The following RCL1 variants were observed in gnomAD, a reference collection of about 807,000 sequenced individuals.
RCL1 encodes RNA 3'-terminal phosphate cyclase-like protein.
Under a neutral mutation model 42.4 loss-of-function variants are expected in RCL1, and 24 were observed. The ratio of observed to expected loss-of-function variants is 0.57; its 90% CI spans 0.41 to 0.80. The LOEUF is 0.80. RCL1 is among the 30% of genes least tolerant of loss of function. RCL1 has a pLI of 0.00. For missense variants in RCL1, 578 were observed against 467.9 expected (o/e 1.24, Z -2.17); for synonymous variants, 228 against 177.3 (o/e 1.29, Z -2.27).
chr9:4,810,592 C>T (rs1816141129), intron 1 of RCL1, among the ~76,000 whole-genome samples: 2 of 151,800 alleles, frequency 1.3e-5, no homozygotes, highest in Non-Finnish European at 2.9e-5. Context: ...TGGCTTGTTT[C>T]CACTTTTAAC....
chr9:4,834,335 A>G (rs1817050491), intron 5 of RCL1, 70 bp downstream of exon 5: 26 of 1,517,712 alleles, frequency 1.7e-5, no homozygotes, highest in Non-Finnish European at 2.1e-5. Context: ...AGAATGACTA[A>G]CAGCTTTACT....
At chr9:4,847,411 G>A (rs1374838522) in intron 7 of RCL1, among the ~76,000 whole-genome samples, 2 of 152,120 alleles carry the variant, frequency 1.3e-5, no homozygotes, top group African/African-American at 4.8e-5. Context: ...TATTTATCAA[G>A]TTTTAAGCCT....
At chr9:4,798,244 G>T (rs940667192) in intron 1 of RCL1, among the ~76,000 whole-genome samples, 2 of 152,216 alleles carry the variant, frequency 1.3e-5, no homozygotes, top group Non-Finnish European at 2.9e-5. Context: ...CATGAGGACT[G>T]TGTCCTGCAG....
chr9:4,799,061 T>G (rs1563825753), intron 1 of RCL1, among the ~76,000 whole-genome samples: 1 of 92,832 alleles, frequency 1.1e-5, no homozygotes, highest in Non-Finnish European at 2.0e-5. Flanking sequence ...CCCTCCCCCA[T>G]CCCTCTCCCC....
chr9:4,855,133 A>G (rs1817903197), intron 8 of RCL1, among the ~76,000 whole-genome samples: 1 of 151,792 alleles, frequency 6.6e-6, no homozygotes, highest in African/African-American at 2.4e-5. Context: ...GATGGACTAG[A>G]GGCTTTCGTA....
Position 4,852,022 on chromosome 9 carries a change from C to T in RCL1, c.971+2472C>T, listed in dbSNP as rs532397317. 3.9e-5 allele frequency among the ~76,000 whole-genome samples: 6 copies of T among 152,166 alleles called. No individual in the cohort carries two copies. In the South Asian group the frequency reaches 8.3e-4, roughly 21 times the overall value. ...TCAGCCTCCCGAGTAGCTGGGACTA[C>T]AGGCACCCGCCACCGTGCCTGGCTA... is the stretch of plus-strand genomic sequence containing the variant. On this transcript the variant is annotated intron_variant, in intron 8 of 8. Coordinates refer to ENST00000381750, the MANE Select transcript of RCL1 (RefSeq NM_005772.5).
intron 3 of RCL1, chr9:4,827,359 G>A (rs941657029): frequency 3.0e-6 from 3 of 989,836 alleles, no homozygotes; most frequent in African/African-American, 1.6e-5. Context: ...GTTTTTGTAA[G>A]ATCCTGTGGT....
At chr9:4,813,736 C>A (rs1314910045) in intron 1 of RCL1, among the ~76,000 whole-genome samples, 1 of 152,182 alleles carries the variant, frequency 6.6e-6, no homozygotes, top group Non-Finnish European at 1.5e-5. Flanking sequence ...GACACACGCA[C>A]ACGTATGTTT....
intron 3 of RCL1, 73 bp downstream of exon 3, chr9:4,827,106 G>T (rs757781475): frequency 1.2e-6 from 2 of 1,601,348 alleles, no homozygotes; most frequent in Non-Finnish European, 1.7e-6. Flanking sequence ...TGAGAAAAAA[G>T]TTCCTTATAA....
chr9:4,832,867 C>G (rs572805815), intron 3 of RCL1, among the ~76,000 whole-genome samples: 1 of 149,630 alleles, frequency 6.7e-6, no homozygotes, highest in Non-Finnish European at 1.5e-5. Flanking sequence ...ACAGTCCAGT[C>G]TCTCCATGCT....
At chr9:4,847,511 T>C (rs1047709286) in intron 7 of RCL1, among the ~76,000 whole-genome samples, 2 of 152,184 alleles carry the variant, frequency 1.3e-5, no homozygotes, top group Non-Finnish European at 2.9e-5. Context: ...GCCTTTTCTT[T>C]CCATCCTTTT....
chr9:4,839,788 C>T, intron 5 of RCL1: 1 of 970,852 alleles, frequency 1.0e-6, no homozygotes, highest in Non-Finnish European at 1.2e-6. Flanking sequence ...AGGTAAAGCC[C>T]TTGCCCTTAT....
At chr9:4,827,080 G>C (rs368274744) in intron 3 of RCL1, 47 bp downstream of exon 3, 16 of 1,612,890 alleles carry the variant, frequency 9.9e-6, no homozygotes, top group Non-Finnish European at 1.2e-5. Context: ...TTTGTCTCTT[G>C]TCACAACCCA....
In RCL1 at chr9:4,801,235, G is replaced by A. The variant is rs371769799; in HGVS notation, c.136+8008G>A. 1.6e-4 allele frequency among the ~76,000 whole-genome samples: 24 copies of A among 152,210 alleles called. No individual in the cohort carries two copies. The East Asian group carries it at 4.1e-3, about 26-fold the overall frequency. ...CATCCAGGCTTGAGTACAGTGACACGATCATGGCTCACTACTGCCTCAGCT... is the reference window on the plus strand; with the variant it reads ...CATCCAGGCTTGAGTACAGTGACACAATCATGGCTCACTACTGCCTCAGCT... On this transcript the variant is annotated intron_variant, in intron 1 of 8. Coordinates refer to ENST00000381750, the MANE Select transcript of RCL1 (RefSeq NM_005772.5).
At chr9:4,807,761 C>G (rs1248547977) in intron 1 of RCL1, among the ~76,000 whole-genome samples, 1 of 152,164 alleles carries the variant, frequency 6.6e-6, no homozygotes, top group Non-Finnish European at 1.5e-5. Flanking sequence ...TCAGGTGATC[C>G]GCCTGCCTGA....
rs1842858745 is a variant in RCL1 at position 4,793,233 on chromosome 9, T to C, written c.136+6T>C. ...CGACAACCCGGGCCTCCGAGGTAAC[T>C]TGGTGTGGGCGGCGCGCGGCGTGGG... is the stretch of plus-strand genomic sequence containing the variant. On this transcript the variant is annotated splice_donor_region_variant and intron_variant, in intron 1 of 8. Transcript: ENST00000381750. 6.3e-7 allele frequency: 1 copy of C among 1,590,212 alleles called. No homozygotes were observed.
chr9:4,841,925 C>T (rs1400800808), intron 6 of RCL1, among the ~76,000 whole-genome samples: 1 of 152,124 alleles, frequency 6.6e-6, no homozygotes, highest in African/African-American at 2.4e-5. Context: ...AATGAAGATA[C>T]CTGTTTTAGG....
At chr9:4,842,006 G>C (rs950728935) in intron 6 of RCL1, among the ~76,000 whole-genome samples, 1 of 152,202 alleles carries the variant, frequency 6.6e-6, no homozygotes, top group Non-Finnish European at 1.5e-5. Context: ...ATAGGAAAGT[G>C]TTAAACATAC....
intron 7 of RCL1, among the ~76,000 whole-genome samples, chr9:4,848,679 G>A (rs887485943): frequency 2.0e-5 from 3 of 152,252 alleles, no homozygotes; most frequent in African/African-American, 7.2e-5. Context: ...TGCGTCTAGT[G>A]GAGGCAAAAC....
Sources: gnomAD v4.1 joint callset for allele counts (sites outside exome capture counted in the v4.1 genomes callset) on GRCh38, gnomAD v4.1.1 for gene constraint, MANE v1.5 for transcripts, NCBI Gene and HGNC (gene_info 2026-07-23, HGNC 2026-07-21) for gene names.